Variants in GNAZ observed in about 807,000 individuals in gnomAD.
GNAZ encodes G protein subunit alpha z.
A neutral mutation model predicts 25.4 loss-of-function variants in GNAZ; 3 were observed. That is an observed-to-expected ratio of 0.12 (90% CI 0.05 to 0.30). The LOEUF is 0.30. GNAZ is among the 10% of genes least tolerant of loss of function. The probability of loss-of-function intolerance (pLI) is 1.00; values close to 1 mark genes in which losing one functional copy is unlikely to be tolerated. For missense variants in GNAZ, 241 were observed against 501.8 expected (o/e 0.48, Z 4.97); for synonymous variants, 211 against 205.7 (o/e 1.03, Z -0.22).
chr22:23,102,715 AC>A (rs1218980722), intron 2 of GNAZ, among the ~76,000 whole-genome samples: 1 of 152,050 alleles, frequency 6.6e-6, no homozygotes, highest in Non-Finnish European at 1.5e-5. Flanking sequence ...CATGATGGTC[AC>A]CTCCTGCTGT....
chr22:23,109,132 C>T (rs922473714), intron 2 of GNAZ, among the ~76,000 whole-genome samples: 3 of 152,120 alleles, frequency 2.0e-5, no homozygotes, highest in Admixed American at 6.5e-5. Context: ...CTATTGACCA[C>T]GTTTCTCTTG....
intron 1 of GNAZ, among the ~76,000 whole-genome samples, chr22:23,090,187 T>G (rs1174096984): frequency 6.6e-6 from 1 of 151,930 alleles, no homozygotes. Flanking sequence ...CAGCTGACAG[T>G]CCCCCTTTCC....
chr22:23,119,217 C>T (rs564972896), intron 2 of GNAZ, among the ~76,000 whole-genome samples: 28 of 152,208 alleles, frequency 1.8e-4, no homozygotes, highest in Non-Finnish European at 3.2e-4. Flanking sequence ...CACAGGCTCC[C>T]GAGGTCACCA....
In GNAZ at chr22:23,123,624, G is replaced by GAC; in HGVS notation, c.*203_*204dup. ...TTACGGATAGATTGCTAGGTAGATA[G>GAC]ACACACACACATGCACACACACACA... On this transcript the variant is annotated 3_prime_UTR_variant, in exon 3 of 3. Transcript: ENST00000615612. 1 of 595,030 alleles carries GAC rather than the reference G, an allele frequency of 1.7e-6. No individual in the cohort carries two copies. Among genetic ancestry groups the GAC allele is most frequent in the East Asian group, 2.8e-5 (1 of 36,094 alleles). The allele number at this position is 595,030 out of a possible 1,614,324, so 36.9% of individuals were successfully genotyped here.
intron 2 of GNAZ, among the ~76,000 whole-genome samples, chr22:23,099,198 CA>C (rs1451140883): frequency 6.6e-6 from 1 of 152,270 alleles, no homozygotes; most frequent in Non-Finnish European, 1.5e-5. Flanking sequence ...AGGAGAACGT[CA>C]GTGTCTCTGG....
At chr22:23,080,316 C>T (rs1439892704) in intron 1 of GNAZ, among the ~76,000 whole-genome samples, 1 of 152,270 alleles carries the variant, frequency 6.6e-6, no homozygotes, top group East Asian at 1.9e-4. Context: ...TGAGGGTGTC[C>T]AGAGCCAGGA....
intron 1 of GNAZ, among the ~76,000 whole-genome samples, chr22:23,094,195 G>A (rs1180245951): frequency 6.6e-6 from 1 of 152,122 alleles, no homozygotes; most frequent in East Asian, 1.9e-4. Context: ...GTGGGTCTCC[G>A]GACAGGGACA....
Position 23,124,214 on chromosome 22 carries a change from G to GTTT in GNAZ, c.*796_*798dup, listed in dbSNP as rs755464439. On this transcript the variant is annotated 3_prime_UTR_variant, in exon 3 of 3. Transcript: ENST00000615612. The stretch of plus-strand genomic sequence containing the variant: ...CATTTTTTTTTTGTTTTGTTTTTTG[G>GTTT]TTTTTTTTTTTTTTTGGCCAAATCT... 5 of 146,566 alleles carry GTTT rather than the reference G, an allele frequency of 3.4e-5. No individual in the cohort carries two copies. The highest frequency in any genetic ancestry group is 1.5e-5 in the Non-Finnish European group (1 of 67,042). 9.1% of individuals were successfully genotyped at this position (146,566 alleles called of 1,614,324 possible).
chr22:23,116,043 A>G (rs2069823692), intron 2 of GNAZ, among the ~76,000 whole-genome samples: 1 of 152,252 alleles, frequency 6.6e-6, no homozygotes, highest in Admixed American at 6.5e-5. Context: ...GTCCCACAGC[A>G]AACAACAAAA....
At chr22:23,090,741 G>A (rs955946554) in intron 1 of GNAZ, among the ~76,000 whole-genome samples, 4 of 151,992 alleles carry the variant, frequency 2.6e-5, no homozygotes, top group Non-Finnish European at 5.9e-5. Flanking sequence ...CTTGCAGCCC[G>A]CATGTGCCAC....
At chr22:23,070,809 C>G (rs1040194764) in intron 1 of GNAZ, 6 of 152,154 alleles carry the variant, frequency 3.9e-5, no homozygotes, top group Non-Finnish European at 1.5e-5. Context: ...GATGCGCCGC[C>G]AAGCCGATGA....
chr22:23,124,229 TGG>T lies in GNAZ; in HGVS notation c.*799_*800del. ...TTGTTTTTTGGTTTTTTTTTTTTTT[TGG>T]CCAAATCTCGTGGTGTTTCGCAGAA... On this transcript the variant is annotated 3_prime_UTR_variant, in exon 3 of 3. Transcript: ENST00000615612. 1 of 161,640 alleles carries T rather than the reference TGG, an allele frequency of 6.2e-6. No homozygotes were observed. The highest frequency in any genetic ancestry group is 1.7e-4 in the South Asian group (1 of 6,000). 10.0% of individuals were successfully genotyped at this position (161,640 alleles called of 1,614,324 possible).
intron 2 of GNAZ, among the ~76,000 whole-genome samples, chr22:23,120,381 A>G (rs1321204735): frequency 6.6e-6 from 1 of 152,082 alleles, no homozygotes; most frequent in East Asian, 1.9e-4. Flanking sequence ...CACGTGGTCT[A>G]TCGGCCCCTC....
At chr22:23,099,151 C>T (rs111249444) in intron 2 of GNAZ, among the ~76,000 whole-genome samples, 171 of 152,372 alleles carry the variant, frequency 1.1e-3, no homozygotes, top group Middle Eastern at 6.8e-3. Context: ...CACAGCCCCC[C>T]GGCCCACCCG....
At chr22:23,092,600 C>T (rs1262477071) in intron 1 of GNAZ, among the ~76,000 whole-genome samples, 1 of 152,212 alleles carries the variant, frequency 6.6e-6, no homozygotes, top group Non-Finnish European at 1.5e-5. Flanking sequence ...TTTCCTTGCA[C>T]ATTGCCCTGT....
At chr22:23,100,861 C>T (rs2069282456) in intron 2 of GNAZ, among the ~76,000 whole-genome samples, 1 of 152,196 alleles carries the variant, frequency 6.6e-6, no homozygotes, top group South Asian at 2.1e-4. Context: ...GTATGCAGTA[C>T]CCTGAGGAGG....
chr22:23,119,400 T>A (rs949304728), intron 2 of GNAZ, among the ~76,000 whole-genome samples: 2 of 152,208 alleles, frequency 1.3e-5, no homozygotes, highest in African/African-American at 4.8e-5. Context: ...GGGTCCTGAC[T>A]TTGTAACCGT....
chr22:23,115,421 T>G (rs1305545165), intron 2 of GNAZ, among the ~76,000 whole-genome samples: 1 of 151,902 alleles, frequency 6.6e-6, no homozygotes, highest in Admixed American at 6.6e-5. Context: ...AGGGTCAGGG[T>G]TTGGGAAGGG....
intron 1 of GNAZ, among the ~76,000 whole-genome samples, chr22:23,078,735 A>G (rs2068581294): frequency 6.6e-6 from 1 of 152,164 alleles, no homozygotes; most frequent in African/African-American, 2.4e-5. Context: ...GGTGAGGGCC[A>G]GGGCTTCTAA....
Sources: allele counts gnomAD v4.1 joint callset (sites outside exome capture counted in the v4.1 genomes callset), GRCh38; gene constraint gnomAD v4.1.1; transcripts MANE v1.5; gene names NCBI Gene and HGNC (gene_info 2026-07-23, HGNC 2026-07-21).